Variants in ANKRD11 observed in about 807,000 individuals in gnomAD.
The protein encoded by ANKRD11 is ankyrin repeat domain 11.
A neutral mutation model predicts 195.7 loss-of-function variants in ANKRD11; 17 were observed. The observed-to-expected ratio is 0.09, with a 90% CI of 0.06 to 0.13. ANKRD11 has a LOEUF of 0.13. ANKRD11 is among the 10% of genes least tolerant of loss of function. The pLI is 1.00. For synonymous variants in ANKRD11, 1,953 were observed against 1,528.1 expected (o/e 1.28, Z -6.49); for missense variants, 3,735 against 3,566.1 (o/e 1.05, Z -1.21).
chr16:89,349,682 C>T (rs1180117400), intron 2 of ANKRD11, among the ~76,000 whole-genome samples: 1 of 152,072 alleles, frequency 6.6e-6, no homozygotes, highest in Non-Finnish European at 1.5e-5. Flanking sequence ...TGACTGAAAA[C>T]TATGTATCTT....
At chr16:89,403,186 G>A (rs747379599) in intron 2 of ANKRD11, among the ~76,000 whole-genome samples, 7 of 152,284 alleles carry the variant, frequency 4.6e-5, no homozygotes, top group Admixed American at 3.3e-4. Flanking sequence ...GGTGGACCCC[G>A]CACTCCCTAG....
chr16:89,460,698 C>T (rs2056623664), intron 1 of ANKRD11, among the ~76,000 whole-genome samples: 1 of 152,186 alleles, frequency 6.6e-6, no homozygotes, highest in Non-Finnish European at 1.5e-5. Flanking sequence ...GATCACACCA[C>T]TGCACTCCAG....
chr16:89,465,687 A>G (rs2056857483), intron 1 of ANKRD11, among the ~76,000 whole-genome samples: 1 of 152,194 alleles, frequency 6.6e-6, no homozygotes, highest in Non-Finnish European at 1.5e-5. Context: ...TCTGCTCCAC[A>G]GCCACCATCA....
intron 1 of ANKRD11, among the ~76,000 whole-genome samples, chr16:89,447,197 T>C (rs534624858): frequency 1.3e-5 from 2 of 152,050 alleles, no homozygotes; most frequent in African/African-American, 4.8e-5. Flanking sequence ...TGCAACCCAT[T>C]AGTACCAAAA....
At chr16:89,312,282 T>A (rs1338522959) in intron 3 of ANKRD11, among the ~76,000 whole-genome samples, 1 of 152,196 alleles carries the variant, frequency 6.6e-6, no homozygotes, top group African/African-American at 2.4e-5. Flanking sequence ...GCAGACGGCA[T>A]GTGGCAGAGC....
intron 2 of ANKRD11, among the ~76,000 whole-genome samples, chr16:89,322,162 C>G (rs1389787828): frequency 3.3e-5 from 5 of 152,190 alleles, no homozygotes; most frequent in African/African-American, 7.2e-5. Flanking sequence ...GCTGGCGCCC[C>G]CAACCCCTGT....
At chr16:89,307,704 T>C (rs1212301555) in intron 3 of ANKRD11, among the ~76,000 whole-genome samples, 1 of 152,256 alleles carries the variant, frequency 6.6e-6, no homozygotes, top group Non-Finnish European at 1.5e-5. Context: ...AGCTTTTCTA[T>C]GGCCCCCTCG....
Position 89,389,975 on chromosome 16 carries a change from G to T in ANKRD11, c.-60+28309C>A, listed in dbSNP as rs1442139271. 1.9e-3 allele frequency among the ~76,000 whole-genome samples: 156 copies of T among 80,490 alleles called. 1 individual carries two copies. The highest frequency in any genetic ancestry group is 3.0e-3 in the Non-Finnish European group (122 of 41,190). 52.8% of individuals were successfully genotyped at this position (80,490 alleles called of 152,430 possible). A position where few individuals can be genotyped will look rare whatever the true frequency, so the allele number is the denominator to read the frequency against. On this transcript the variant is annotated intron_variant, in intron 2 of 12. Coordinates refer to ENST00000301030, the MANE Select transcript of ANKRD11 (RefSeq NM_013275.6). ...AGAGAAGATCACTGGGGCGAACACCGAGTGTGGCGGGGAGCACCGAGAGAG... is the reference window on the plus strand; with the variant it reads ...AGAGAAGATCACTGGGGCGAACACCTAGTGTGGCGGGGAGCACCGAGAGAG...
At chr16:89,385,496 G>T (rs1293211918) in intron 2 of ANKRD11, among the ~76,000 whole-genome samples, 1 of 152,042 alleles carries the variant, frequency 6.6e-6, no homozygotes, top group Non-Finnish European at 1.5e-5. Context: ...GCAGAGGGAA[G>T]GGCGCCAGAG....
intron 2 of ANKRD11, among the ~76,000 whole-genome samples, chr16:89,339,263 T>C (rs1386040747): frequency 6.6e-6 from 1 of 152,342 alleles, no homozygotes; most frequent in East Asian, 1.9e-4. Flanking sequence ...AATCATGCAT[T>C]AGGCAATAGA....
At chr16:89,423,726 C>G (rs1024600309) in intron 1 of ANKRD11, among the ~76,000 whole-genome samples, 7 of 152,214 alleles carry the variant, frequency 4.6e-5, no homozygotes, top group African/African-American at 1.7e-4. Context: ...AAACTGGAAT[C>G]AGCCCAGATG....
intron 2 of ANKRD11, among the ~76,000 whole-genome samples, chr16:89,355,634 A>G (rs750563496): frequency 6.6e-6 from 1 of 152,210 alleles, no homozygotes; most frequent in Non-Finnish European, 1.5e-5. Context: ...CAGGATCAAA[A>G]GAAGGTCTCT....
chr16:89,331,354 T>C (rs1597674228), intron 2 of ANKRD11, among the ~76,000 whole-genome samples: 1 of 152,274 alleles, frequency 6.6e-6, no homozygotes, highest in East Asian at 1.9e-4. Flanking sequence ...ACATCATATA[T>C]CTCATGGACA....
chr16:89,311,368 T>G (rs758666431), intron 3 of ANKRD11, among the ~76,000 whole-genome samples: 8 of 152,254 alleles, frequency 5.3e-5, no homozygotes, highest in Admixed American at 2.6e-4. Context: ...GTAGTACCTT[T>G]GTCTGGCTTT....
rs556725847 is a variant in ANKRD11, at chr16:89,280,686, G to A, written c.5856C>T (p.His1952=). The change falls in exon 9 of 13, where the codon CAC becomes CAT. Residue 1952 remains histidine (H), a synonymous_variant. Transcript: ENST00000301030. ...TAGAGGCAAGCGCCTGCTCGGAGGG[G>A]TGGGCCCACTCAACGGGCTCCTCGG... ...VITEEPVEWA[H]PSEQALASSL... The A allele has an allele frequency of 1.9e-6, 3 of 1,613,250 alleles. No homozygotes were observed. Among genetic ancestry groups the A allele is most frequent in the African/African-American group, 1.3e-5 (1 of 74,928 alleles).
Position 89,488,450 on chromosome 16 carries a change from C to CCT in ANKRD11, c.-145+1794_-145+1795insAG, listed in dbSNP as rs971968610. Among the ~76,000 whole-genome samples, 166 of 151,516 alleles carry CCT rather than the reference C, an allele frequency of 1.1e-3. 2 individuals carry two copies. Among genetic ancestry groups the CCT allele is most frequent in the African/African-American group, 3.9e-3 (161 of 41,222 alleles). On this transcript the variant is annotated intron_variant, in intron 1 of 12. Coordinates refer to ENST00000301030, the MANE Select transcript of ANKRD11 (RefSeq NM_013275.6). Reference sequence around the variant, plus strand: ...CTGAGCAAGACATCCGCCCCCCCCCCTTTTTTTCTAGTTTAACTACAGTTG... The same window carrying CCT: ...CTGAGCAAGACATCCGCCCCCCCCCCCTTTTTTTTCTAGTTTAACTACAGTTG...
chr16:89,424,452 A>AG (rs932915912), intron 1 of ANKRD11, among the ~76,000 whole-genome samples: 6 of 151,166 alleles, frequency 4.0e-5, no homozygotes, highest in East Asian at 1.9e-4. Context: ...AAAAAAAAAA[A>AG]AGAGAGAGAA....
chr16:89,307,352 C>T (rs972491620), intron 3 of ANKRD11, among the ~76,000 whole-genome samples: 4 of 152,168 alleles, frequency 2.6e-5, no homozygotes, highest in Admixed American at 6.5e-5. Context: ...GTGCATCCAC[C>T]CAACCTGCAT....
intron 1 of ANKRD11, among the ~76,000 whole-genome samples, chr16:89,474,492 T>A (rs1251099438): frequency 6.6e-6 from 1 of 150,640 alleles, no homozygotes; most frequent in Non-Finnish European, 1.5e-5. Flanking sequence ...AGACCAGAAA[T>A]ATACCCCCAC....
Sources: allele counts gnomAD v4.1 joint callset (sites outside exome capture counted in the v4.1 genomes callset), GRCh38; gene constraint gnomAD v4.1.1; transcripts MANE v1.5; gene names NCBI Gene and HGNC (gene_info 2026-07-23, HGNC 2026-07-21).